The following NDUFAF2 variants were observed in gnomAD, a reference collection of about 807,000 sequenced individuals.
The protein encoded by NDUFAF2 is NADH dehydrogenase [ubiquinone] 1 alpha subcomplex assembly factor 2.
Under a neutral mutation model 22.8 loss-of-function variants are expected in NDUFAF2, and 13 were observed. The observed-to-expected ratio is 0.57, with a 90% confidence interval of 0.37 to 0.91. NDUFAF2 has a LOEUF of 0.91. NDUFAF2 is among the 40% of genes least tolerant of loss of function. The pLI is 0.01. For synonymous variants in NDUFAF2, 53 were observed against 64.2 expected (o/e 0.83, Z 0.84); for missense variants, 162 against 195.2 (o/e 0.83, Z 1.01).
chr5:60,973,612 C>T (rs555879382), intron 1 of NDUFAF2, among the ~76,000 whole-genome samples: 67 of 152,110 alleles, frequency 4.4e-4, no homozygotes, highest in African/African-American at 1.5e-3. Context: ...AAAGGAGTAA[C>T]GTAAGTTATG....
intron 3 of NDUFAF2, among the ~76,000 whole-genome samples, chr5:61,112,681 T>A (rs1172910066): frequency 1.3e-5 from 2 of 152,190 alleles, no homozygotes; most frequent in Non-Finnish European, 2.9e-5. Flanking sequence ...CAACAGATTG[T>A]TGGGTCTTGT....
At chr5:61,063,363 C>G (rs1397034342) in intron 1 of NDUFAF2, among the ~76,000 whole-genome samples, 1 of 150,352 alleles carries the variant, frequency 6.7e-6, no homozygotes, top group Non-Finnish European at 1.5e-5. Context: ...AAAAAGTTAG[C>G]TGGGTGTTGT....
intron 1 of NDUFAF2, 192 bp downstream of exon 1, chr5:60,945,574 G>A (rs1750428599): frequency 2.3e-6 from 2 of 867,340 alleles, no homozygotes; most frequent in East Asian, 2.6e-5. Flanking sequence ...GCCCGGCTCT[G>A]GGCGCCTTGG....
intron 1 of NDUFAF2, among the ~76,000 whole-genome samples, chr5:60,963,520 A>T (rs1451748590): frequency 6.6e-6 from 1 of 152,188 alleles, no homozygotes; most frequent in African/African-American, 2.4e-5. Context: ...TTGTATAGCT[A>T]GGTCCCTGAC....
At chr5:61,087,593 T>C (rs1427825737) in intron 2 of NDUFAF2, among the ~76,000 whole-genome samples, 1 of 152,176 alleles carries the variant, frequency 6.6e-6, no homozygotes, top group Non-Finnish European at 1.5e-5. Context: ...GAAAACAGTT[T>C]ATTAGTTCTT....
chr5:61,115,217 C>G (rs1330771854), intron 3 of NDUFAF2: 1 of 152,436 alleles, frequency 6.6e-6, no homozygotes, highest in Non-Finnish European at 1.5e-5. Context: ...CGAGTACTGC[C>G]AGGCTACTGC....
At chr5:60,966,643 C>G (rs1750761598) in intron 1 of NDUFAF2, among the ~76,000 whole-genome samples, 1 of 152,110 alleles carries the variant, frequency 6.6e-6, no homozygotes, top group African/African-American at 2.4e-5. Context: ...TTCTTGGCAT[C>G]TTTGTAAAAA....
intron 1 of NDUFAF2, among the ~76,000 whole-genome samples, chr5:60,957,917 A>G (rs372870600): frequency 2.2e-4 from 33 of 152,222 alleles, no homozygotes; most frequent in Non-Finnish European, 4.6e-4. Flanking sequence ...TATAACCTGT[A>G]TTAGTGATAA....
chr5:60,985,745 A>G (rs982918749), intron 1 of NDUFAF2, among the ~76,000 whole-genome samples: 1 of 151,944 alleles, frequency 6.6e-6, no homozygotes, highest in Non-Finnish European at 1.5e-5. Flanking sequence ...CATTTTTAAA[A>G]CCATCAGATC....
intron 1 of NDUFAF2, among the ~76,000 whole-genome samples, chr5:61,059,166 T>C (rs1752134164): frequency 6.6e-6 from 1 of 152,082 alleles, no homozygotes. Context: ...AAGACCTGCT[T>C]AACTTTTAAT....
chr5:60,946,924 A>ATGCTTGCATATGT (rs1202402285), intron 1 of NDUFAF2, among the ~76,000 whole-genome samples: 8 of 152,230 alleles, frequency 5.3e-5, no homozygotes, highest in Admixed American at 5.2e-4. Flanking sequence ...TGCTTCACAT[A>ATGCTTGCATATGT]GCATAATGTA....
chr5:60,988,514 C>T (rs1052188324), intron 1 of NDUFAF2, among the ~76,000 whole-genome samples: 3 of 152,106 alleles, frequency 2.0e-5, no homozygotes, highest in South Asian at 2.1e-4. Context: ...CATAATGTTA[C>T]CCGACTTCAA....
intron 1 of NDUFAF2, among the ~76,000 whole-genome samples, chr5:60,960,291 C>A (rs1447879714): frequency 6.6e-6 from 1 of 152,062 alleles, no homozygotes; most frequent in Non-Finnish European, 1.5e-5. Flanking sequence ...TTCTTAAATA[C>A]TGTGTATAGG....
At chr5:60,980,472 A>T (rs963604819) in intron 1 of NDUFAF2, among the ~76,000 whole-genome samples, 6 of 152,148 alleles carry the variant, frequency 3.9e-5, no homozygotes, top group African/African-American at 1.4e-4. Flanking sequence ...AAATACAAAT[A>T]ATTAAAAAGA....
In NDUFAF2 at chr5:61,141,065, T is replaced by A. The variant is rs1741045223; in HGVS notation, c.259-11639T>A. ...CAACATGGAGAAACCCCCTCTCTAC[T>A]AAAAATACAAAATTAGCCGGACGTG... On this transcript the variant is annotated intron_variant, in intron 3 of 3. Coordinates refer to ENST00000296597, the MANE Select transcript of NDUFAF2 (RefSeq NM_174889.5). Among the ~76,000 whole-genome samples the A allele has an allele frequency of 2.0e-5, 3 of 151,988 alleles. No homozygotes were observed. The South Asian group carries it at 6.2e-4, about 32-fold the overall frequency.
chr5:60,997,750 C>CTGTGCTTGGATTCCCTCCAT (rs974431209), intron 1 of NDUFAF2, among the ~76,000 whole-genome samples: 2 of 152,310 alleles, frequency 1.3e-5, no homozygotes, highest in Non-Finnish European at 2.9e-5. Flanking sequence ...CTTCACTTCA[C>CTGTGCTTGGATTCCCTCCAT]TGTGCTTGGA....
At chr5:61,149,791 A>G (rs1741200208) in intron 3 of NDUFAF2, among the ~76,000 whole-genome samples, 1 of 152,224 alleles carries the variant, frequency 6.6e-6, no homozygotes, top group Non-Finnish European at 1.5e-5. Context: ...GGAAGGAAAA[A>G]TACTTGCTTT....
intron 2 of NDUFAF2, among the ~76,000 whole-genome samples, chr5:61,095,172 G>T (rs939378835): frequency 6.6e-6 from 1 of 152,112 alleles, no homozygotes. Flanking sequence ...CAGGGTGGCT[G>T]GAGGCCCCAG....
intron 3 of NDUFAF2, among the ~76,000 whole-genome samples, chr5:61,143,960 T>TGTGTGTGTG (rs1491220278): frequency 1.0e-5 from 1 of 98,142 alleles, no homozygotes; most frequent in African/African-American, 3.4e-5. Context: ...TGGCATATTT[T>TGTGTGTGTG]TGTGTGTGTG....
Sources: gnomAD v4.1 joint callset for allele counts (sites outside exome capture counted in the v4.1 genomes callset) on GRCh38, gnomAD v4.1.1 for gene constraint, MANE v1.5 for transcripts, NCBI Gene and HGNC (gene_info 2026-07-23, HGNC 2026-07-21) for gene names.